C2CD3: variants seen among roughly 807,000 people sequenced by gnomAD.
The protein encoded by C2CD3 is C2 domain-containing protein 3.
C2CD3 carries 148 observed loss-of-function variants against 234.0 expected under a neutral mutation model. That is an observed-to-expected ratio of 0.63 (90% confidence interval 0.55 to 0.72). C2CD3 has a LOEUF of 0.72. C2CD3 is among the 30% of genes least tolerant of loss of function. C2CD3 has a pLI of 0.00. For missense variants in C2CD3, 2,577 were observed against 2,811.5 expected, an observed-to-expected ratio of 0.92 and a Z score of 1.89; for synonymous variants, 1,000 against 1,035.4, an observed-to-expected ratio of 0.97 and a Z score of 0.66.
chr11:74,071,274 T>C (rs942800435), intron 24 of C2CD3, among the ~76,000 whole-genome samples: 1 of 152,218 alleles, frequency 6.6e-6, no homozygotes, highest in African/African-American at 2.4e-5. Flanking sequence ...ATTTAGCCTC[T>C]TTCTGTTTAG....
chr11:74,018,174 C>T (rs932849894), intron 32 of C2CD3, among the ~76,000 whole-genome samples: 2 of 152,050 alleles, frequency 1.3e-5, no homozygotes, highest in African/African-American at 2.4e-5. Flanking sequence ...CAGATATGGC[C>T]GAGGTTCTGA....
chr11:74,124,571 A>G (rs1202933147), intron 7 of C2CD3, among the ~76,000 whole-genome samples: 2 of 151,978 alleles, frequency 1.3e-5, no homozygotes, highest in Non-Finnish European at 2.9e-5. Context: ...TGGGGTGGGG[A>G]AAAATCACCC....
At chr11:74,157,036 TG>T (rs1451235880) in intron 3 of C2CD3, among the ~76,000 whole-genome samples, 1 of 152,204 alleles carries the variant, frequency 6.6e-6, no homozygotes, top group Non-Finnish European at 1.5e-5. Context: ...CATTTTTCCT[TG>T]TTTTTTCCCT....
chr11:74,067,178 TAAAGAAAGAAAC>T (rs1954581453), intron 24 of C2CD3, among the ~76,000 whole-genome samples: 1 of 151,914 alleles, frequency 6.6e-6, no homozygotes, highest in African/African-American at 2.4e-5. Context: ...CTGGAAATAA[TAAAGAAAGAAAC>T]TGGGTGATGG....
intron 32 of C2CD3, among the ~76,000 whole-genome samples, chr11:74,020,757 G>GT (rs1436106989): frequency 6.6e-6 from 1 of 152,210 alleles, no homozygotes; most frequent in Non-Finnish European, 1.5e-5. Context: ...CAAGTCTGAG[G>GT]TCAAAACTAT....
At position 74,095,359 on chromosome 11, in the gene C2CD3, A is replaced by G. The variant is rs1397262323; in HGVS notation, c.3029T>C (p.Ile1010Thr). Residue 1010 changes from isoleucine to threonine, a missense_variant, in exon 17 of 33, where the codon ATA becomes ACA. Ile to Thr is a moderately conservative substitution (Grantham distance 89). Transcript: ENST00000334126. ...AGGGGCTAGCCCTTTAACCATCTCT[A>G]TATGGATCTCAAAGCAGTGCTCCAT... ...GLMEHCFEIH[I>T]EMVKGLAPLQ... 5.6e-6 allele frequency: 9 copies of G among 1,613,652 alleles called. No individual in the cohort carries two copies. In the South Asian group the frequency reaches 7.7e-5, roughly 14 times the overall value.
intron 13 of C2CD3, among the ~76,000 whole-genome samples, chr11:74,105,223 C>T (rs1956468339): frequency 6.6e-6 from 1 of 151,904 alleles, no homozygotes; most frequent in African/African-American, 2.4e-5. Context: ...TGTACTTTAT[C>T]CTTTGGGTGA....
At chr11:74,118,591 A>T (rs967859712) in intron 8 of C2CD3, among the ~76,000 whole-genome samples, 2 of 152,250 alleles carry the variant, frequency 1.3e-5, no homozygotes, top group Non-Finnish European at 2.9e-5. Context: ...TTCAGTTCAA[A>T]GCAAATAAAG....
chr11:74,103,713 T>C, intron 13 of C2CD3, 88 bp from the exon 14 acceptor site: 1 of 1,099,610 alleles, frequency 9.1e-7, no homozygotes, highest in East Asian at 2.4e-5. Context: ...ATCAGATTAT[T>C]AGGAAATGAA....
chr11:74,113,230 C>T (rs181635043), intron 11 of C2CD3: 1 of 154,248 alleles, frequency 6.5e-6, no homozygotes, highest in Admixed American at 6.5e-5. Flanking sequence ...TTATATGAGA[C>T]ATCCAGAATG....
At chr11:74,127,322 T>C (rs771174732) in intron 7 of C2CD3, among the ~76,000 whole-genome samples, 61 of 152,212 alleles carry the variant, frequency 4.0e-4, no homozygotes, top group Non-Finnish European at 7.8e-4. Flanking sequence ...TCAATTAGCA[T>C]GTTTTTAAGG....
rs571628650 is a variant in C2CD3, at chr11:74,155,447, T to C, written c.483+5952A>G. Among the ~76,000 whole-genome samples the C allele has an allele frequency of 2.2e-4, 33 of 152,304 alleles. No individual in the cohort carries two copies. In the South Asian group the frequency reaches 4.6e-3, roughly 21 times the overall value. ...AAGCATATGTTCACAAAAGAACTTA[T>C]ATATGAATGCTAATAGCAACATTAT... On this transcript the variant is annotated intron_variant, in intron 3 of 32. Coordinates refer to ENST00000334126, the MANE Select transcript of C2CD3 (RefSeq NM_001286577.2).
intron 27 of C2CD3, 89 bp downstream of exon 27, chr11:74,049,248 T>A (rs907829026): frequency 9.2e-7 from 1 of 1,087,314 alleles, no homozygotes; most frequent in African/African-American, 1.5e-5. Context: ...ACGTATTCTA[T>A]AAGCCGGAGA....
chr11:74,134,049 C>A (rs554883928), intron 5 of C2CD3, among the ~76,000 whole-genome samples: 1 of 152,058 alleles, frequency 6.6e-6, no homozygotes, highest in African/African-American at 2.4e-5. Flanking sequence ...CTTAAGGGGT[C>A]CCACAACAAT....
intron 32 of C2CD3, among the ~76,000 whole-genome samples, chr11:74,022,442 T>A (rs1952128204): frequency 6.6e-6 from 1 of 152,102 alleles, no homozygotes; most frequent in East Asian, 1.9e-4. Flanking sequence ...AGGATGCAGG[T>A]GGGTCCGTAC....
intron 32 of C2CD3, among the ~76,000 whole-genome samples, chr11:74,019,683 A>ATTTTT (rs879892933): frequency 0.039 from 5,871 of 148,798 alleles, 390 homozygotes; most frequent in African/African-American, 0.14. Context: ...CAAAGGATAG[A>ATTTTT]TTTTTTTTTT....
intron 3 of C2CD3, among the ~76,000 whole-genome samples, chr11:74,148,222 T>G (rs1855347426): frequency 6.6e-6 from 1 of 152,138 alleles, no homozygotes; most frequent in Non-Finnish European, 1.5e-5. Flanking sequence ...ATGAATGATG[T>G]AATGCCCATC....
intron 11 of C2CD3, chr11:74,109,466 A>C: frequency 4.4e-6 from 1 of 226,596 alleles, no homozygotes; most frequent in East Asian, 8.9e-5. Flanking sequence ...GTTTTAGGTA[A>C]TAGCACTGTT....
At chr11:74,118,812 G>C (rs959772512) in intron 8 of C2CD3, among the ~76,000 whole-genome samples, 14 of 151,908 alleles carry the variant, frequency 9.2e-5, no homozygotes, top group African/African-American at 3.1e-4. Flanking sequence ...TGTAAAGCCA[G>C]ATTTTGATCT....
Sources: allele counts gnomAD v4.1 joint callset (sites outside exome capture counted in the v4.1 genomes callset), GRCh38; gene constraint gnomAD v4.1.1; transcripts MANE v1.5; gene names NCBI Gene and HGNC (gene_info 2026-07-23, HGNC 2026-07-21).